Variants in KLK11 observed in about 807,000 individuals in gnomAD.
KLK11 encodes the protein kallikrein-11.
In KLK11, 10 loss-of-function variants were observed where a neutral mutation model predicts 23.4. The observed-to-expected ratio is 0.43, with a 90% CI of 0.26 to 0.73. The LOEUF (loss-of-function observed/expected upper bound fraction) is 0.73. Among genes scored for constraint, KLK11 ranks in the 30% least tolerant of loss-of-function variants. KLK11 has a pLI of 0.22. For synonymous variants in KLK11, 131 were observed against 131.7 expected, an observed-to-expected ratio of 0.99 and a Z score of 0.03; for missense variants, 285 against 327.8, an observed-to-expected ratio of 0.87 and a Z score of 1.01.
At chr19:51,027,399 C>T, upstream of KLK11, 1 of 1,570,074 alleles carries the variant, frequency 6.4e-7, no homozygotes, top group Non-Finnish European at 8.7e-7. Context: ...TCTGCTGACC[C>T]TTCCCCTGCC....
upstream of KLK11, chr19:51,027,501 C>T: frequency 6.2e-7 from 1 of 1,614,118 alleles, no homozygotes; most frequent in South Asian, 1.1e-5. Flanking sequence ...GTCCCGCAGC[C>T]ACCTCAACCT....
rs1490190117 is a variant in KLK11 at position 51,024,238 on chromosome 19, A to G, written c.270T>C (p.Thr90=). 1.2e-6 allele frequency: 2 copies of G among 1,614,014 alleles called. No individual in the cohort carries two copies. The highest frequency in any genetic ancestry group is 1.7e-5 in the Admixed American group (1 of 60,000). The part of the protein sequence containing the change: ...EEGCEQTRTA[T]ESFPHPGFNN... Reference sequence around the variant, plus strand: ...TGAAGCCGGGGTGGGGGAAGGACTCAGTGGCTGTCCGGGTCTGCTCACAGC... The same window carrying G: ...TGAAGCCGGGGTGGGGGAAGGACTCGGTGGCTGTCCGGGTCTGCTCACAGC... Residue 90 remains threonine, a synonymous_variant, in exon 4 of 6, where the codon ACT becomes ACC. Transcript: ENST00000453757. The surrounding 1 kb of genome is among the most constrained non-coding windows in gnomAD (Gnocchi z 6.2).
Position 51,024,626 on chromosome 19 carries a change from C to A in KLK11, c.197+12G>T. On this transcript the variant is annotated intron_variant, in intron 3 of 5. Coordinates refer to ENST00000453757, the MANE Select transcript of KLK11 (RefSeq NM_001136032.3). This position sits in a 1 kb window ranked among gnomAD's most constrained non-coding sequence, Gnocchi z 6.2. ...CCCCCCACCCCGGCACCGCCCCAGC[C>A]CCCGCACCCACGGCTTGAGGCAGTG... 1 of 1,529,414 alleles carries A rather than the reference C, an allele frequency of 6.5e-7. No individual in the cohort carries two copies. Among genetic ancestry groups the A allele is most frequent in the African/African-American group, 1.4e-5 (1 of 72,370 alleles). The allele number at this position is 1,529,414 out of a possible 1,614,324, so 94.7% of individuals were successfully genotyped here.
chr19:51,027,480 G>T (rs761443157), upstream of KLK11: 24 of 1,613,906 alleles, frequency 1.5e-5, no homozygotes, highest in Non-Finnish European at 1.9e-5. Flanking sequence ...ACCTCTGCCC[G>T]ATGACTTCCA....
rs755371860 is a variant in KLK11, at chr19:51,025,665, C to T, written c.-34G>A. On this transcript the variant is annotated splice_region_variant and 5_prime_UTR_variant, in exon 2 of 6. Coordinates refer to ENST00000453757, the MANE Select transcript of KLK11 (RefSeq NM_001136032.3). The surrounding 1 kb of genome is among the most constrained non-coding windows in gnomAD (Gnocchi z 6.2). Reference sequence around the variant, plus strand: ...GGGGGGAGGAGCGGGCCCCAGGTTCCTCTGGGAACAAGGAGGGACATGGGG... The same window carrying T: ...GGGGGGAGGAGCGGGCCCCAGGTTCTTCTGGGAACAAGGAGGGACATGGGG... 4 of 1,560,636 alleles carry T rather than the reference C, an allele frequency of 2.6e-6. No individual in the cohort carries two copies. The South Asian group carries it at 4.8e-5, about 19-fold the overall frequency.
intron 4 of KLK11, 144 bp downstream of exon 4, chr19:51,023,901 C>A (rs937460771): frequency 2.7e-6 from 2 of 729,104 alleles, no homozygotes; most frequent in Admixed American, 6.7e-5. Flanking sequence ...GTCCCCACCC[C>A]CCTATCCTGA....
Position 51,024,710 on chromosome 19 carries a change from T to G in KLK11, c.125A>C (p.Lys42Thr). ...SQPWQAALFE[K>T]TRLLCGATLI... The stretch of plus-strand genomic sequence containing the variant: ...CGTCGCCCCACAGAGTAGCCGCGTC[T>G]TCTCGAACAGGGCTGCCTGCCAGGG... Residue 42 changes from lysine (K) to threonine (T), a missense_variant, in exon 3 of 6, where the codon AAG (lysine) becomes ACG (threonine). Lys to Thr is a moderately conservative substitution (Grantham distance 78, BLOSUM62 -1). Coordinates refer to ENST00000453757, the MANE Select transcript of KLK11 (RefSeq NM_001136032.3). The surrounding 1 kb of genome is among the most constrained non-coding windows in gnomAD (Gnocchi z 6.2). 6.2e-7 allele frequency: 1 copy of G among 1,601,552 alleles called. No individual in the cohort carries two copies. Among genetic ancestry groups the G allele is most frequent in the Non-Finnish European group, 8.5e-7 (1 of 1,176,230 alleles).
Position 51,024,040 on chromosome 19 carries a change from C to G in KLK11, c.463+5G>C. ...CCCTGCCAGGTTCCCCTCTGGTGCTCCTACACTGGGGGCTGGACGTGCTGC... is the reference window on the plus strand; with the variant it reads ...CCCTGCCAGGTTCCCCTCTGGTGCTGCTACACTGGGGGCTGGACGTGCTGC... On this transcript the variant is annotated splice_donor_5th_base_variant and intron_variant, in intron 4 of 5. Coordinates refer to ENST00000453757, the MANE Select transcript of KLK11 (RefSeq NM_001136032.3). The surrounding 1 kb of genome is among the most constrained non-coding windows in gnomAD (Gnocchi z 6.2). The G allele has an allele frequency of 6.5e-7, 1 of 1,526,802 alleles. No homozygotes were observed. Among genetic ancestry groups the G allele is most frequent in the Non-Finnish European group, 8.8e-7 (1 of 1,132,038 alleles). The allele number at this position is 1,526,802 out of a possible 1,614,324, so 94.6% of individuals were successfully genotyped here. A position where few individuals can be genotyped will look rare whatever the true frequency, so the allele number is the denominator to read the frequency against.
chr19:51,026,606 T>C lies in KLK11; in HGVS notation c.-104A>G, dbSNP rs1322885630. 15 of 986,546 alleles carry C rather than the reference T, an allele frequency of 1.5e-5. No individual in the cohort carries two copies. The East Asian group carries it at 8.0e-4, about 52-fold the overall frequency. The allele number at this position is 986,546 out of a possible 1,614,324, so 61.1% of individuals were successfully genotyped here. ...CGGCAGTGGCGGCAGCTACAGCAGG[T>C]AGGCTGGGTTGGAGCGCCAGGTGCC... On this transcript the variant is annotated 5_prime_UTR_variant, in exon 1 of 6. Coordinates refer to ENST00000453757, the MANE Select transcript of KLK11 (RefSeq NM_001136032.3).
rs777257319 is a variant in KLK11, at chr19:51,025,459, C to G, written c.40+133G>C. 1 of 533,622 alleles carries G rather than the reference C, an allele frequency of 1.9e-6. No homozygotes were observed. Among genetic ancestry groups the G allele is most frequent in the Non-Finnish European group, 3.3e-6 (1 of 305,656 alleles). The allele number at this position is 533,622 out of a possible 1,614,324, so 33.1% of individuals were successfully genotyped here. ...AAGGGCATCCAGGCCCTCATGACCA[C>G]TGCTCCAGTTCAGGTGCCTTATGGG... On this transcript the variant is annotated intron_variant, in intron 2 of 5. Coordinates refer to ENST00000453757, the MANE Select transcript of KLK11 (RefSeq NM_001136032.3). The surrounding 1 kb of genome is among the most constrained non-coding windows in gnomAD (Gnocchi z 6.2).
Position 51,023,308 on chromosome 19 carries a change from C to T in KLK11, c.464-80G>A. 2.0e-6 allele frequency: 3 copies of T among 1,529,422 alleles called. No homozygotes were observed. The South Asian group carries it at 3.6e-5, about 18-fold the overall frequency. The allele number at this position is 1,529,422 out of a possible 1,614,324, so 94.7% of individuals were successfully genotyped here. On this transcript the variant is annotated intron_variant, in intron 4 of 5. Transcript: ENST00000453757. ...TGCAGTGCTTGCTGTGATCCCGCCC[C>T]TGGGGGAATCCCTGTCCTTAGACGC...
chr19:51,022,999 C>A, intron 5 of KLK11, 93 bp downstream of exon 5: 1 of 1,392,102 alleles, frequency 7.2e-7, no homozygotes, highest in South Asian at 1.3e-5. Context: ...CAGGGGTCGG[C>A]GGGTTGAGGT....
chr19:51,027,483 G>A, upstream of KLK11: 1 of 1,614,094 alleles, frequency 6.2e-7, no homozygotes, highest in East Asian at 2.2e-5. Flanking sequence ...TCTGCCCGAT[G>A]ACTTCCAGTC....
rs61729817 is a variant in KLK11, at chr19:51,023,193, T to C, written c.499A>G (p.Thr167Ala). Residue 167 changes from threonine to alanine, a missense_variant, in exon 5 of 6, where the codon ACC becomes GCC. Transcript: ENST00000453757. Reference sequence around the variant, plus strand: ...TCACACTTCTGGTGCTCAATGATGGTGATGTTGGCGCATCGCAAGGTGTGA... The same window carrying C: ...TCACACTTCTGGTGCTCAATGATGGCGATGTTGGCGCATCGCAAGGTGTGA... ...LPHTLRCANI[T>A]IIEHQKCENA... is the part of the protein sequence containing the mutation. 6.2e-7 allele frequency: 1 copy of C among 1,613,470 alleles called. No homozygotes were observed. Among genetic ancestry groups the C allele is most frequent in the East Asian group, 2.2e-5 (1 of 44,860 alleles).
At position 51,022,649 on chromosome 19, in the gene KLK11, T is replaced by C. The variant is rs1486197818; in HGVS notation, c.649A>G (p.Ile217Val). 3.1e-6 allele frequency: 5 copies of C among 1,613,592 alleles called. No homozygotes were observed. The highest frequency in any genetic ancestry group is 2.2e-5 in the East Asian group (1 of 44,886). Residue 217 changes from isoleucine (I) to valine (V), a missense_variant, in exon 6 of 6, where the codon ATC becomes GTC. By Grantham distance (29) the Ile-to-Val change is conservative (BLOSUM62 3). Transcript: ENST00000453757. ...LVCNQSLQGI[I>V]SWGQDPCAIT... ...GCACACGGATCCTGGCCCCAGGAGA[T>C]AATGCCTTGAAGAGACTGGTTACAG...
Position 51,023,221 on chromosome 19 carries a change from C to T in KLK11, c.471G>A (p.Leu157=). The change falls in exon 5 of 6, where the codon CTG becomes CTA. Residue 157 remains leucine (L), a synonymous_variant. Transcript: ENST00000453757. ...WGSTSSPQLR[L]PHTLRCANIT... is the part of the protein sequence containing the mutation. Reference sequence around the variant, plus strand: ...TGTTGGCGCATCGCAAGGTGTGAGGCAGGCGTACTGTGGAAACAGCGTGAG... The same window carrying T: ...TGTTGGCGCATCGCAAGGTGTGAGGTAGGCGTACTGTGGAAACAGCGTGAG... 2 of 1,612,698 alleles carry T rather than the reference C, an allele frequency of 1.2e-6. No homozygotes were observed. Among genetic ancestry groups the T allele is most frequent in the African/African-American group, 2.7e-5 (2 of 74,942 alleles).
In KLK11 at chr19:51,024,104, C is replaced by T. The variant is rs2091441433; in HGVS notation, c.404G>A (p.Cys135Tyr). 4 of 1,584,104 alleles carry T rather than the reference C, an allele frequency of 2.5e-6. No homozygotes were observed. The highest frequency in any genetic ancestry group is 2.6e-6 in the Non-Finnish European group (3 of 1,160,844). Residue 135 changes from cysteine to tyrosine, a missense_variant, in exon 4 of 6, where the codon TGT (cysteine) becomes TAT (tyrosine). Physicochemically the swap from Cys to Tyr is radical, Grantham distance 194. Coordinates refer to ENST00000453757, the MANE Select transcript of KLK11 (RefSeq NM_001136032.3). This position sits in a 1 kb window ranked among gnomAD's most constrained non-coding sequence, Gnocchi z 6.2. ...GAGGCAGCTGGTGCCAGCAGTGACA[C>T]AGCGTGAGGAGAGGGTGAGGGGTCG... is the stretch of plus-strand genomic sequence containing the variant. ...AVRPLTLSSR[C>Y]VTAGTSCLIS...
rs571268566 is a variant in KLK11 at position 51,022,396 on chromosome 19, A to G, written c.*149T>C. 2.1e-5 allele frequency: 18 copies of G among 868,894 alleles called. No homozygotes were observed. In the African/African-American group the frequency reaches 2.8e-4, roughly 14 times the overall value. The allele number at this position is 868,894 out of a possible 1,614,324, so 53.8% of individuals were successfully genotyped here. On this transcript the variant is annotated 3_prime_UTR_variant, in exon 6 of 6. Transcript: ENST00000453757. The stretch of plus-strand genomic sequence containing the variant: ...CTCACTGATTTCGAACCCCAGGTTG[A>G]TTATTAAGTGACAGCATCTCCTGTA...
At chr19:51,027,887 A>T (rs574302363), upstream of KLK11, 1 of 188,468 alleles carries the variant, frequency 5.3e-6, no homozygotes, top group Non-Finnish European at 1.1e-5. Context: ...ATCACCCCTC[A>T]CTCCCTCCCT....
Sources: gnomAD v4.1 joint callset for allele counts on GRCh38, gnomAD v4.1.1 for gene constraint, Gnocchi (gnomAD v3.1) non-coding constraint, MANE v1.5 for transcripts, NCBI Gene and HGNC (gene_info 2026-07-23, HGNC 2026-07-21) for gene names.